The following PCDH9 variants were observed in gnomAD, a reference collection of about 807,000 sequenced individuals.
PCDH9 encodes the protein protocadherin 9.
Under a neutral mutation model 70.6 loss-of-function variants are expected in PCDH9, and 24 were observed. That is an observed-to-expected ratio of 0.34 (90% CI 0.25 to 0.48). The LOEUF is 0.48. PCDH9 is among the 20% of genes least tolerant of loss of function. The pLI, the probability that PCDH9 is intolerant of heterozygous loss-of-function variation, is 0.99. For missense variants in PCDH9, 1,281 were observed against 1,503.6 expected (o/e 0.85, Z 2.45); for synonymous variants, 562 against 558.5 (o/e 1.01, Z -0.09).
At chr13:66,398,804 C>T (rs1957144115) in intron 4 of PCDH9, among the ~76,000 whole-genome samples, 1 of 152,042 alleles carries the variant, frequency 6.6e-6, no homozygotes, top group Non-Finnish European at 1.5e-5. Context: ...TATAAGAAAA[C>T]AAAACAAATA....
chr13:66,587,777 G>T (rs969067126), intron 4 of PCDH9, among the ~76,000 whole-genome samples: 3 of 129,466 alleles, frequency 2.3e-5, no homozygotes, highest in African/African-American at 8.7e-5. Context: ...CAACAGAAGT[G>T]AACTTGCAGG....
At chr13:66,672,763 C>T (rs947186454) in intron 3 of PCDH9, among the ~76,000 whole-genome samples, 1 of 152,156 alleles carries the variant, frequency 6.6e-6, no homozygotes, top group African/African-American at 2.4e-5. Context: ...CAAAGCATAT[C>T]ATTTTGGAGC....
At chr13:67,108,019 C>T (rs2086582512) in intron 2 of PCDH9, among the ~76,000 whole-genome samples, 1 of 152,212 alleles carries the variant, frequency 6.6e-6, no homozygotes, top group Non-Finnish European at 1.5e-5. Context: ...GCACCTGTGC[C>T]AGCACCTGGA....
chr13:67,011,165 A>G (rs2084444397), intron 2 of PCDH9, among the ~76,000 whole-genome samples: 1 of 151,934 alleles, frequency 6.6e-6, no homozygotes. Flanking sequence ...CAACTCTATG[A>G]TAAAGTAATG....
At chr13:66,931,712 T>G (rs1172170968) in intron 2 of PCDH9, among the ~76,000 whole-genome samples, 2 of 152,104 alleles carry the variant, frequency 1.3e-5, no homozygotes, top group African/African-American at 4.8e-5. Context: ...GTTGCCTGTG[T>G]CAAGTCCTCA....
intron 4 of PCDH9, among the ~76,000 whole-genome samples, chr13:66,355,864 A>G (rs1219326773): frequency 6.6e-6 from 1 of 152,088 alleles, no homozygotes; most frequent in East Asian, 1.9e-4. Flanking sequence ...AATTGACAAT[A>G]CCTTCTGGAC....
At chr13:66,675,731 A>G (rs992446292) in intron 3 of PCDH9, among the ~76,000 whole-genome samples, 3 of 152,078 alleles carry the variant, frequency 2.0e-5, no homozygotes, top group Admixed American at 6.6e-5. Flanking sequence ...CACTTAGCCA[A>G]TATTACTTTT....
At chr13:66,378,909 A>T (rs994129214) in intron 4 of PCDH9, among the ~76,000 whole-genome samples, 1 of 152,230 alleles carries the variant, frequency 6.6e-6, no homozygotes, top group African/African-American at 2.4e-5. Context: ...TTGCTGCTGA[A>T]TTAGAAAGAT....
chr13:66,939,422 ATATGTGTG>A (rs1480256415), intron 2 of PCDH9, among the ~76,000 whole-genome samples: 2 of 59,722 alleles, frequency 3.3e-5, no homozygotes, highest in Non-Finnish European at 7.5e-5. Context: ...ACTTTAAAAT[ATATGTGTG>A]TGTGTGTGTG....
At chr13:66,568,654 A>C (rs35049183) in intron 4 of PCDH9, among the ~76,000 whole-genome samples, 51,298 of 150,694 alleles carry the variant, frequency 0.34, 9,176 homozygotes, top group African/African-American at 0.44. Flanking sequence ...CCTGAATGAC[A>C]GGGGAAAAAC....
chr13:66,569,218 A>T (rs2076698217), intron 4 of PCDH9, among the ~76,000 whole-genome samples: 1 of 151,344 alleles, frequency 6.6e-6, no homozygotes, highest in Non-Finnish European at 1.5e-5. Context: ...GGGTTTCACC[A>T]TGTTGGCCAG....
At chr13:66,991,943 T>C (rs1246404804) in intron 2 of PCDH9, among the ~76,000 whole-genome samples, 1 of 152,138 alleles carries the variant, frequency 6.6e-6, no homozygotes, top group East Asian at 1.9e-4. Flanking sequence ...GATTATTGTG[T>C]TTAAGTATAT....
At chr13:67,054,982 T>C (rs2085391147) in intron 2 of PCDH9, among the ~76,000 whole-genome samples, 1 of 152,358 alleles carries the variant, frequency 6.6e-6, no homozygotes, top group East Asian at 1.9e-4. Flanking sequence ...GAAAACCGTA[T>C]GATTTTAAAT....
chr13:66,789,982 T>C (rs960860497), intron 3 of PCDH9, among the ~76,000 whole-genome samples: 33 of 152,084 alleles, frequency 2.2e-4, no homozygotes, highest in Non-Finnish European at 2.5e-4. Context: ...TTCTAGGGCA[T>C]CTATCTTCTA....
intron 2 of PCDH9, among the ~76,000 whole-genome samples, chr13:67,019,500 G>A (rs1388184111): frequency 6.6e-6 from 1 of 151,532 alleles, no homozygotes; most frequent in Non-Finnish European, 1.5e-5. Flanking sequence ...GGCCCACGCA[G>A]TTGCTCTTAA....
intron 2 of PCDH9, among the ~76,000 whole-genome samples, chr13:66,915,486 G>A (rs755127108): frequency 6.6e-5 from 10 of 151,656 alleles, no homozygotes; most frequent in Non-Finnish European, 1.5e-4. Flanking sequence ...GGAGATCTAA[G>A]ATAAACAGAG....
At chr13:66,637,579 G>T (rs1012477411) in intron 3 of PCDH9, among the ~76,000 whole-genome samples, 1 of 152,158 alleles carries the variant, frequency 6.6e-6, no homozygotes, top group Non-Finnish European at 1.5e-5. Flanking sequence ...CTCCACTAAT[G>T]TAGAAATCAC....
At chr13:67,107,657 C>T (rs1409822813) in intron 2 of PCDH9, among the ~76,000 whole-genome samples, 1 of 152,210 alleles carries the variant, frequency 6.6e-6, no homozygotes, top group Admixed American at 6.5e-5. Context: ...CTCCACCTTG[C>T]TCATCCTCTA....
At chr13:66,930,482 A>G (rs1011092542) in intron 2 of PCDH9, among the ~76,000 whole-genome samples, 1 of 152,152 alleles carries the variant, frequency 6.6e-6, no homozygotes, top group Non-Finnish European at 1.5e-5. Context: ...TTTGATCTAT[A>G]AATATAGGAT....
Sources: allele counts gnomAD v4.1 joint callset (sites outside exome capture counted in the v4.1 genomes callset), GRCh38; gene constraint gnomAD v4.1.1; transcripts MANE v1.5; gene names NCBI Gene and HGNC (gene_info 2026-07-23, HGNC 2026-07-21).